The following CPAMD8 variants were observed in gnomAD, a reference collection of about 807,000 sequenced individuals.
CPAMD8 encodes the protein C3 and PZP-like alpha-2-macroglobulin domain-containing protein 8.
In CPAMD8, 146 loss-of-function variants were observed where a neutral mutation model predicts 224.7. The observed-to-expected ratio is 0.65, with a 90% confidence interval of 0.57 to 0.75. CPAMD8 has a LOEUF of 0.75. Among genes scored for constraint, CPAMD8 ranks in the 30% least tolerant of loss-of-function variants. CPAMD8 has a pLI of 0.00. For missense variants in CPAMD8, 2,301 were observed against 2,537.5 expected (o/e 0.91, Z 2.00); for synonymous variants, 966 against 1,044.6 (o/e 0.92, Z 1.45).
rs141414883 is a variant in CPAMD8, at chr19:16,925,962, T to C, written c.3371-590A>G. On this transcript the variant is annotated intron_variant, in intron 25 of 41. Coordinates refer to ENST00000443236, the MANE Select transcript of CPAMD8 (RefSeq NM_015692.5). ...TTTTAGTAGAGACAGGGTTTCATCA[T>C]GTTGGCCAGGCTGGTCTTGAACTCC... 1.9e-4 allele frequency among the ~76,000 whole-genome samples: 29 copies of C among 152,192 alleles called. 1 individual carries two copies. The East Asian group carries it at 5.6e-3, about 29-fold the overall frequency.
At chr19:17,015,749 G>A (rs1437866984) in intron 3 of CPAMD8, among the ~76,000 whole-genome samples, 2 of 152,212 alleles carry the variant, frequency 1.3e-5, no homozygotes, top group African/African-American at 4.8e-5. Context: ...CCACCCAAGA[G>A]CAGGGCAAGG....
chr19:16,978,322 C>T (rs1418523729), intron 14 of CPAMD8, among the ~76,000 whole-genome samples: 3 of 152,172 alleles, frequency 2.0e-5, no homozygotes, highest in Non-Finnish European at 2.9e-5. Flanking sequence ...ACAGCCCATT[C>T]ATCTGCAGAT....
intron 20 of CPAMD8, 37 bp downstream of exon 20, chr19:16,951,932 G>C: frequency 7.6e-7 from 1 of 1,310,366 alleles, no homozygotes. Flanking sequence ...ACTCCCCACT[G>C]AATGGAGGAA....
chr19:16,953,132 A>G (rs2054350716), intron 19 of CPAMD8, among the ~76,000 whole-genome samples: 1 of 152,224 alleles, frequency 6.6e-6, no homozygotes, highest in Non-Finnish European at 1.5e-5. Flanking sequence ...AATCTTTTTA[A>G]CAAATACTGC....
chr19:16,912,503 C>A (rs1399336420), intron 29 of CPAMD8, among the ~76,000 whole-genome samples: 2 of 152,200 alleles, frequency 1.3e-5, no homozygotes, highest in Non-Finnish European at 2.9e-5. Flanking sequence ...AATCCCAGTA[C>A]TTTGGGAGGC....
intron 7 of CPAMD8, among the ~76,000 whole-genome samples, chr19:17,006,894 G>T (rs2056506810): frequency 6.6e-6 from 1 of 152,178 alleles, no homozygotes; most frequent in Non-Finnish European, 1.5e-5. Context: ...AGGCTGTTTA[G>T]TTCATGTTTG....
chr19:16,931,640 T>C (rs1208964344), intron 23 of CPAMD8, among the ~76,000 whole-genome samples: 1 of 152,192 alleles, frequency 6.6e-6, no homozygotes, highest in Non-Finnish European at 1.5e-5. Context: ...TTGGCCCACC[T>C]GGACCCACTA....
At chr19:16,994,619 C>T (rs182436507) in intron 11 of CPAMD8, among the ~76,000 whole-genome samples, 4 of 145,816 alleles carry the variant, frequency 2.7e-5, no homozygotes, top group East Asian at 2.0e-4. Flanking sequence ...CTCCTGGGCT[C>T]GCAATCCTCC....
chr19:16,902,603 T>C lies in CPAMD8; in HGVS notation c.4685+46A>G, dbSNP rs749421497. ...CCCAGGAGGCCATCCTCTCCGCACA[T>C]TGCACCCTCCTGGGATGCCCACGCC... On this transcript the variant is annotated intron_variant, in intron 35 of 41. Transcript: ENST00000443236. 1.9e-5 allele frequency: 24 copies of C among 1,273,134 alleles called. No individual in the cohort carries two copies. The East Asian group carries it at 5.2e-4, about 27-fold the overall frequency. The allele number at this position is 1,273,134 out of a possible 1,614,324, so 78.9% of individuals were successfully genotyped here. A position where few individuals can be genotyped will look rare whatever the true frequency, so the allele number is the denominator to read the frequency against.
At position 16,952,006 on chromosome 19, in the gene CPAMD8, G is replaced by A. The variant is rs531291087; in HGVS notation, c.2471C>T (p.Pro824Leu). The A allele has an allele frequency of 7.1e-5, 112 of 1,582,878 alleles. No individual in the cohort carries two copies. Among genetic ancestry groups the A allele is most frequent in the Non-Finnish European group, 9.0e-5 (105 of 1,163,298 alleles). The change falls in exon 20 of 42, where the codon CCG (proline) becomes CTG (leucine). Residue 824 changes from proline to leucine, a missense_variant. Around this residue, in one of 4 missense-constraint regions of CPAMD8, gnomAD observed 1,709 missense variants for 1,753.2 expected, o/e 0.97. Transcript: ENST00000443236. Reference protein sequence around the residue: ...LIIRGEQVKIPLSVYNYMGTC... With the variant: ...LIIRGEQVKILLSVYNYMGTC... ...GCCCATGTAGTTGTAGACACTGAGC[G>A]GGATCTTGACCTGCTCCCCACGGAT...
In CPAMD8 at chr19:16,946,943, T is replaced by G. The variant is rs2054121535; in HGVS notation, c.2662+131A>C. 7.5e-6 allele frequency: 7 copies of G among 927,690 alleles called. No homozygotes were observed. In the South Asian group the frequency reaches 1.3e-4, roughly 18 times the overall value. 57.5% of individuals were successfully genotyped at this position (927,690 alleles called of 1,614,324 possible). ...TCTGTCCTGCTTGCCCCAGTTGCTG[T>G]CCCATTTTCCTTGGGACAGTCCTGA... On this transcript the variant is annotated intron_variant, in intron 21 of 41. Transcript: ENST00000443236.
Position 16,957,749 on chromosome 19 carries a change from A to G in CPAMD8, c.2276+104T>C, listed in dbSNP as rs556580628. The G allele has an allele frequency of 2.2e-5, 22 of 1,016,294 alleles. No individual in the cohort carries two copies. The South Asian group carries it at 3.0e-4, about 14-fold the overall frequency. 63.0% of individuals were successfully genotyped at this position (1,016,294 alleles called of 1,614,324 possible). A position where few individuals can be genotyped will look rare whatever the true frequency, so the allele number is the denominator to read the frequency against. On this transcript the variant is annotated intron_variant, in intron 19 of 41. Coordinates refer to ENST00000443236, the MANE Select transcript of CPAMD8 (RefSeq NM_015692.5). ...AAAAGATGCACAGTGTCTTGCTCAG[A>G]TGTTGGTATCAGGCCTGCCCATCTC...
chr19:16,977,171 A>G (rs943814162), intron 15 of CPAMD8, among the ~76,000 whole-genome samples, 197 bp downstream of exon 15: 2 of 152,068 alleles, frequency 1.3e-5, no homozygotes, highest in Admixed American at 6.6e-5. Flanking sequence ...GGCTTTCCCC[A>G]TGTGTTTTGA....
chr19:16,932,379 C>A (rs971036160), intron 23 of CPAMD8, among the ~76,000 whole-genome samples: 1 of 152,016 alleles, frequency 6.6e-6, no homozygotes, highest in East Asian at 1.9e-4. Context: ...CATGATTGTG[C>A]CACTGCACTC....
chr19:17,020,507 G>A (rs190276725), intron 2 of CPAMD8, among the ~76,000 whole-genome samples, 154 bp from the exon 3 acceptor site: 3 of 152,266 alleles, frequency 2.0e-5, no homozygotes, highest in Admixed American at 6.5e-5. Context: ...ACTGGGCCAG[G>A]CTAGGACTGG....
intron 29 of CPAMD8, chr19:16,910,681 T>C (rs1313701196): frequency 6.6e-6 from 1 of 151,654 alleles, no homozygotes; most frequent in Admixed American, 6.6e-5. Context: ...TGCAGACACT[T>C]GATTGGTGCA....
intron 7 of CPAMD8, among the ~76,000 whole-genome samples, chr19:17,008,068 C>T (rs2056542094): frequency 6.6e-6 from 1 of 152,238 alleles, no homozygotes; most frequent in South Asian, 2.1e-4. Flanking sequence ...ACTCGGTAGG[C>T]TGAGGCAGGA....
At chr19:16,990,033 C>A (rs1216992806) in intron 12 of CPAMD8, among the ~76,000 whole-genome samples, 5 of 152,178 alleles carry the variant, frequency 3.3e-5, no homozygotes, top group Admixed American at 3.3e-4. Context: ...AGGTGGATCA[C>A]CTGAGGCCAG....
intron 13 of CPAMD8, among the ~76,000 whole-genome samples, chr19:16,987,052 G>C (rs1203773329): frequency 6.7e-6 from 1 of 148,916 alleles, no homozygotes; most frequent in South Asian, 2.1e-4. Flanking sequence ...CCAGCTACTC[G>C]GGAGGCTGAG....
Sources: allele counts gnomAD v4.1 joint callset (sites outside exome capture counted in the v4.1 genomes callset), GRCh38; gene constraint gnomAD v4.1.1; regional missense constraint gnomAD v4.1.1; transcripts MANE v1.5; gene names NCBI Gene and HGNC (gene_info 2026-07-23, HGNC 2026-07-21).